AP3D1: variants seen among roughly 807,000 people sequenced by gnomAD.
AP3D1 encodes AP-3 complex subunit delta-1.
In AP3D1, 51 loss-of-function variants were observed where a neutral mutation model predicts 147.6. The observed-to-expected ratio is 0.35, with a 90% CI of 0.28 to 0.44. AP3D1 has a LOEUF of 0.44. Ranked by LOEUF, AP3D1 falls within the 20% of genes least tolerant of loss-of-function variation. The pLI, the probability that AP3D1 is intolerant of heterozygous loss-of-function variation, is 1.00. For missense variants in AP3D1, 1,421 were observed against 1,624.2 expected (o/e 0.87, Z 2.15); for synonymous variants, 760 against 663.0 (o/e 1.15, Z -2.25).
At chr19:2,145,231 G>T (rs1480331566) in intron 1 of AP3D1, among the ~76,000 whole-genome samples, 1 of 152,246 alleles carries the variant, frequency 6.6e-6, no homozygotes, top group Non-Finnish European at 1.5e-5. Flanking sequence ...GAGCAGAGGA[G>T]GGTCCTCAGG....
At chr19:2,115,984 T>C (rs1008910721) in intron 18 of AP3D1, among the ~76,000 whole-genome samples, 1 of 152,252 alleles carries the variant, frequency 6.6e-6, no homozygotes, top group Non-Finnish European at 1.5e-5. Flanking sequence ...GGACAGCAGC[T>C]GGGCTGCCAG....
intron 4 of AP3D1, among the ~76,000 whole-genome samples, chr19:2,134,672 G>A (rs2019033422): frequency 6.6e-6 from 1 of 151,638 alleles, no homozygotes; most frequent in African/African-American, 2.4e-5. Context: ...CACAATCTTG[G>A]CTCACCACAA....
In AP3D1 at chr19:2,102,041, G is replaced by A; in HGVS notation, c.*132C>T. On this transcript the variant is annotated 3_prime_UTR_variant, in exon 32 of 32. Coordinates refer to ENST00000643116, the MANE Select transcript of AP3D1 (RefSeq NM_001261826.3). ...ACAAATGACCTCGGATGTCTACACG[G>A]CGGACAACATAGAGTTAAATTAACA... The A allele has an allele frequency of 4.4e-6, 3 of 687,158 alleles. No homozygotes were observed. The highest frequency in any genetic ancestry group is 7.5e-6 in the Non-Finnish European group (3 of 397,370). The allele number at this position is 687,158 out of a possible 1,614,324, so 42.6% of individuals were successfully genotyped here.
At chr19:2,136,838 C>T (rs2019089091) in intron 4 of AP3D1, among the ~76,000 whole-genome samples, 173 bp downstream of exon 4, 2 of 152,214 alleles carry the variant, frequency 1.3e-5, no homozygotes, top group Non-Finnish European at 2.9e-5. Context: ...GGCTCAGACC[C>T]GCCGGGCCTC....
intron 31 of AP3D1, among the ~76,000 whole-genome samples, chr19:2,103,461 T>C (rs1205312276): frequency 6.7e-6 from 1 of 149,870 alleles, no homozygotes; most frequent in Non-Finnish European, 1.5e-5. Flanking sequence ...AAGAAGCCAG[T>C]GGAGTGGGGT....
At chr19:2,127,926 G>C (rs1183056781) in intron 8 of AP3D1, among the ~76,000 whole-genome samples, 2 of 152,250 alleles carry the variant, frequency 1.3e-5, no homozygotes, top group Admixed American at 1.3e-4. Context: ...CCGCAGCCAG[G>C]AGAATGGCCA....
chr19:2,113,476 G>A (rs1023343709), intron 22 of AP3D1, 63 bp from the exon 23 acceptor site: 28 of 1,044,178 alleles, frequency 2.7e-5, no homozygotes, highest in African/African-American at 5.0e-5. Context: ...AGGGGACGGG[G>A]ACAGCAGGGC....
intron 8 of AP3D1, among the ~76,000 whole-genome samples, chr19:2,128,453 CGTGG>C (rs2145100995): frequency 7.8e-6 from 1 of 128,040 alleles, no homozygotes; most frequent in Admixed American, 7.5e-5. Flanking sequence ...CACTGCACCC[CGTGG>C]AGCCGGCCCG....
Position 2,129,399 on chromosome 19 carries a change from G to C in AP3D1, c.651C>G (p.Asn217Lys). 6.2e-7 allele frequency: 1 copy of C among 1,614,148 alleles called. No homozygotes were observed. The highest frequency in any genetic ancestry group is 8.5e-7 in the Non-Finnish European group (1 of 1,180,008). Reference protein sequence around the residue: ...ICELARRNPKNYLSLAPLFFK... With the variant: ...ICELARRNPKKYLSLAPLFFK... ...AAAAGAGCGGGGCCAGGGACAGGTA[G>C]TTCTTAGGGTTGCGTCTGGCCAGCT... Residue 217 changes from asparagine (N) to lysine (K), a missense_variant, in exon 7 of 32, where the codon AAC (asparagine) becomes AAG (lysine). By Grantham distance (94) the Asn-to-Lys change is moderately conservative. This residue lies in a region of AP3D1 where 292 missense variants were observed against 412.0 expected (regional missense o/e 0.71). Transcript: ENST00000643116.
intron 1 of AP3D1, among the ~76,000 whole-genome samples, chr19:2,159,538 G>A (rs1336458569): frequency 1.3e-5 from 2 of 151,650 alleles, no homozygotes; most frequent in Non-Finnish European, 2.9e-5. Context: ...ACAGGTGCCC[G>A]CCACAGCTCC....
intron 1 of AP3D1, 134 bp downstream of exon 1, chr19:2,151,105 C>T: frequency 1.3e-6 from 1 of 797,286 alleles, no homozygotes. Flanking sequence ...CAGGCAGGGC[C>T]GGAGCCCTAA....
chr19:2,140,476 TTGAC>T (rs779563791), intron 1 of AP3D1, among the ~76,000 whole-genome samples: 3 of 125,760 alleles, frequency 2.4e-5, no homozygotes, highest in South Asian at 2.4e-4. Context: ...GTCAACTTGC[TTGAC>T]TTTTTTTTTT....
At chr19:2,131,308 CACG>C (rs2018932769) in intron 5 of AP3D1, among the ~76,000 whole-genome samples, 1 of 151,656 alleles carries the variant, frequency 6.6e-6, no homozygotes, top group African/African-American at 2.4e-5. Flanking sequence ...GCCCATCGGC[CACG>C]ATCTAGACAC....
intron 24 of AP3D1, chr19:2,112,138 G>T: frequency 2.3e-6 from 1 of 435,520 alleles, no homozygotes; most frequent in Non-Finnish European, 4.2e-6. Context: ...CCACGCCCAT[G>T]TGCACATCCG....
intron 12 of AP3D1, 42 bp from the exon 13 acceptor site, chr19:2,121,353 C>A (rs755834291): frequency 1.2e-6 from 2 of 1,603,960 alleles, no homozygotes; most frequent in African/African-American, 1.3e-5. Context: ...CGGACCCAGC[C>A]TGGGGCCTGC....
At chr19:2,120,759 G>A (rs181725015) in intron 14 of AP3D1, 103 bp downstream of exon 14, 5 of 1,199,856 alleles carry the variant, frequency 4.2e-6, no homozygotes, top group African/African-American at 1.5e-5. Context: ...CGGGGTGGCA[G>A]GGCGATGGGA....
intron 15 of AP3D1, among the ~76,000 whole-genome samples, chr19:2,117,666 G>C (rs570526452): frequency 6.6e-6 from 1 of 152,214 alleles, no homozygotes; most frequent in Non-Finnish European, 1.5e-5. Context: ...CACCTCCCTC[G>C]GCCCCCGCGG....
intron 2 of AP3D1, among the ~76,000 whole-genome samples, chr19:2,138,339 C>G (rs928029380): frequency 1.3e-5 from 2 of 152,196 alleles, no homozygotes; most frequent in Non-Finnish European, 2.9e-5. Context: ...AGACTGCAGG[C>G]GAGGGGCGTC....
intron 8 of AP3D1, 52 bp from the exon 9 acceptor site, chr19:2,127,253 T>G (rs778414940): frequency 3.8e-6 from 6 of 1,594,922 alleles, no homozygotes; most frequent in Non-Finnish European, 5.1e-6. Context: ...CCTCGTCAGA[T>G]GCAGTGACCC....
Sources: gnomAD v4.1 joint callset for allele counts (sites outside exome capture counted in the v4.1 genomes callset) on GRCh38, gnomAD v4.1.1 for gene constraint, gnomAD v4.1.1 regional missense constraint, MANE v1.5 for transcripts, NCBI Gene and HGNC (gene_info 2026-07-23, HGNC 2026-07-21) for gene names.